The following DAPP1 variants were observed in gnomAD, a reference collection of about 807,000 sequenced individuals.
The protein encoded by DAPP1 is dual adapter for phosphotyrosine and 3-phosphotyrosine and 3-phosphoinositide.
A neutral mutation model predicts 41.5 loss-of-function variants in DAPP1; 20 were observed. The ratio of observed to expected loss-of-function variants is 0.48; its 90% CI spans 0.34 to 0.70. The LOEUF is 0.70. DAPP1 is among the 30% of genes least tolerant of loss of function. The probability of loss-of-function intolerance (pLI) is 0.01; values close to 1 mark genes in which losing one functional copy is unlikely to be tolerated. For missense variants in DAPP1, 233 were observed against 333.4 expected (o/e 0.70, Z 2.35); for synonymous variants, 113 against 116.2 (o/e 0.97, Z 0.18).
intron 1 of DAPP1, among the ~76,000 whole-genome samples, chr4:99,818,565 C>T (rs1722667722): frequency 6.6e-6 from 1 of 152,112 alleles, no homozygotes; most frequent in African/African-American, 2.4e-5. Context: ...CTCTGTGCCC[C>T]ACCATGATGT....
chr4:99,834,564 T>C (rs1486216566), intron 1 of DAPP1, among the ~76,000 whole-genome samples: 1 of 152,170 alleles, frequency 6.6e-6, no homozygotes, highest in Non-Finnish European at 1.5e-5. Flanking sequence ...CTCATGACAA[T>C]AGCCTTTAGT....
chr4:99,842,436 GATGGAT>G (rs1160210289), intron 3 of DAPP1, among the ~76,000 whole-genome samples: 1 of 152,224 alleles, frequency 6.6e-6, no homozygotes, highest in East Asian at 1.9e-4. Flanking sequence ...CCCTCGTGCT[GATGGAT>G]ATGCACTTGA....
Position 99,831,415 on chromosome 4 carries a change from C to T in DAPP1, c.102-4208C>T, listed in dbSNP as rs528181540. ...CAATAGCACCCCGACTCCCTGCCCT[C>T]ATTATCTGGCAACCAAAAATATGCT... On this transcript the variant is annotated intron_variant, in intron 1 of 8. Coordinates refer to ENST00000512369, the MANE Select transcript of DAPP1 (RefSeq NM_014395.3). Among the ~76,000 whole-genome samples, 7 of 152,330 alleles carry T rather than the reference C, an allele frequency of 4.6e-5. No homozygotes were observed. The South Asian group carries it at 1.5e-3, about 32-fold the overall frequency.
Position 99,868,407 on chromosome 4 carries a change from C to G in DAPP1, c.*222C>G, listed in dbSNP as rs1336042935. 2 of 562,632 alleles carry G rather than the reference C, an allele frequency of 3.6e-6. No homozygotes were observed. Among genetic ancestry groups the G allele is most frequent in the Non-Finnish European group, 6.4e-6 (2 of 314,298 alleles). The allele number at this position is 562,632 out of a possible 1,614,324, so 34.9% of individuals were successfully genotyped here. A position where few individuals can be genotyped will look rare whatever the true frequency, so the allele number is the denominator to read the frequency against. On this transcript the variant is annotated 3_prime_UTR_variant, in exon 9 of 9. Transcript: ENST00000512369. The stretch of plus-strand genomic sequence containing the variant: ...TGAGAACACTGAAGCAATCACCATT[C>G]TGATAGAAAGTGCTTAAACCACCAC...
intron 1 of DAPP1, among the ~76,000 whole-genome samples, chr4:99,830,057 T>G (rs948468355): frequency 6.6e-6 from 1 of 152,322 alleles, no homozygotes; most frequent in African/African-American, 2.4e-5. Context: ...CTCTTATCCC[T>G]AATAACTGGA....
chr4:99,861,450 T>G, intron 4 of DAPP1, 128 bp from the exon 5 acceptor site: 1 of 1,001,764 alleles, frequency 1.0e-6, no homozygotes, highest in East Asian at 2.6e-5. Flanking sequence ...AGTGCCTAGG[T>G]GAAAAATGAT....
At chr4:99,857,452 T>A (rs1385436676) in intron 4 of DAPP1, among the ~76,000 whole-genome samples, 1 of 152,182 alleles carries the variant, frequency 6.6e-6, no homozygotes, top group African/African-American at 2.4e-5. Flanking sequence ...TTTCCTTAGC[T>A]TCCCTTTTGT....
Position 99,853,199 on chromosome 4 carries a change from A to T in DAPP1, c.359-19A>T. 1.9e-6 allele frequency: 3 copies of T among 1,613,564 alleles called. No homozygotes were observed. Among genetic ancestry groups the T allele is most frequent in the Non-Finnish European group, 2.5e-6 (3 of 1,179,676 alleles). The stretch of plus-strand genomic sequence containing the variant: ...TTCTGGGAACACTGTTCGATTATAT[A>T]TTTTTCATCTTCATTCAGGCACTCT... On this transcript the variant is annotated intron_variant, in intron 3 of 8. Coordinates refer to ENST00000512369, the MANE Select transcript of DAPP1 (RefSeq NM_014395.3).
At chr4:99,846,195 C>T (rs1723658591) in intron 3 of DAPP1, among the ~76,000 whole-genome samples, 3 of 152,158 alleles carry the variant, frequency 2.0e-5, no homozygotes, top group Non-Finnish European at 4.4e-5. Context: ...TTTCTTCAAA[C>T]TTTGATTTAT....
At chr4:99,858,215 C>A (rs1158716014) in intron 4 of DAPP1, among the ~76,000 whole-genome samples, 1 of 152,224 alleles carries the variant, frequency 6.6e-6, no homozygotes, top group Non-Finnish European at 1.5e-5. Context: ...ACAAGTTGCA[C>A]TTATCTGTCC....
intron 1 of DAPP1, among the ~76,000 whole-genome samples, chr4:99,832,463 G>A (rs1233437665): frequency 1.3e-5 from 2 of 152,202 alleles, no homozygotes; most frequent in Non-Finnish European, 2.9e-5. Flanking sequence ...TTTGGGGAAT[G>A]AGGATCCTTA....
intron 2 of DAPP1, among the ~76,000 whole-genome samples, chr4:99,835,999 T>C (rs1000549397): frequency 6.6e-6 from 1 of 152,166 alleles, no homozygotes; most frequent in Non-Finnish European, 1.5e-5. Context: ...TGTTGAAGAA[T>C]CTGAAACCCA....
intron 3 of DAPP1, among the ~76,000 whole-genome samples, chr4:99,842,634 C>A (rs1723531275): frequency 6.6e-6 from 1 of 152,226 alleles, no homozygotes; most frequent in Non-Finnish European, 1.5e-5. Flanking sequence ...GTGCTCAAGT[C>A]ATGATGACTT....
intron 1 of DAPP1, among the ~76,000 whole-genome samples, chr4:99,834,742 C>T (rs903432874): frequency 6.6e-6 from 1 of 152,148 alleles, no homozygotes; most frequent in Non-Finnish European, 1.5e-5. Context: ...GCTAGGGCTG[C>T]TATAACAAAG....
chr4:99,861,191 T>A, intron 4 of DAPP1, among the ~76,000 whole-genome samples: 1 of 152,170 alleles, frequency 6.6e-6, no homozygotes, highest in African/African-American at 2.4e-5. Context: ...AGTAAAAACA[T>A]CCTTTTAGTT....
chr4:99,867,316 C>A (rs1171186523), intron 8 of DAPP1, among the ~76,000 whole-genome samples: 1 of 152,062 alleles, frequency 6.6e-6, no homozygotes, highest in Non-Finnish European at 1.5e-5. Context: ...CAAAGTAACA[C>A]AAAATCATTA....
intron 4 of DAPP1, among the ~76,000 whole-genome samples, chr4:99,855,480 T>C (rs1173384598): frequency 5.9e-5 from 9 of 152,220 alleles, no homozygotes; most frequent in Non-Finnish European, 1.2e-4. Flanking sequence ...TACCTTCTTT[T>C]CTCACTCCAG....
rs1344244833 is a variant in DAPP1, at chr4:99,840,313, T to C, written c.249T>C (p.Phe83=). The C allele has an allele frequency of 6.3e-7, 1 of 1,586,560 alleles. No individual in the cohort carries two copies. Among genetic ancestry groups the C allele is most frequent in the Non-Finnish European group, 8.6e-7 (1 of 1,163,896 alleles). ...SVRAKDSVKH[F]HVEYTGYSFK... ...GGGCCAAAGATTCTGTTAAACACTT[T>C]CATGTTGAATATACTGGATATTCAT... The change falls in exon 3 of 9, where the codon TTT becomes TTC. Residue 83 remains phenylalanine, a synonymous_variant. Transcript: ENST00000512369.
rs1313628437 is a variant in DAPP1, at chr4:99,817,028, T to A, written c.101+14T>A. 2 of 1,580,706 alleles carry A rather than the reference T, an allele frequency of 1.3e-6. No homozygotes were observed. Among genetic ancestry groups the A allele is most frequent in the African/African-American group, 1.3e-5 (1 of 74,226 alleles). On this transcript the variant is annotated intron_variant, in intron 1 of 8. Coordinates refer to ENST00000512369, the MANE Select transcript of DAPP1 (RefSeq NM_014395.3). The stretch of plus-strand genomic sequence containing the variant: ...CCAGGACTTGGGGTAAGGCAGCAGA[T>A]CTCCTTTCAAAGTACCTAGTGGGTG...
Sources: gnomAD v4.1 joint callset for allele counts (sites outside exome capture counted in the v4.1 genomes callset) on GRCh38, gnomAD v4.1.1 for gene constraint, MANE v1.5 for transcripts, NCBI Gene and HGNC (gene_info 2026-07-23, HGNC 2026-07-21) for gene names.